Variants in TMEM266 observed in about 807,000 individuals in gnomAD.
TMEM266 encodes Hv1 related protein 1.
TMEM266 carries 33 observed loss-of-function variants against 50.5 expected under a neutral mutation model. The ratio of observed to expected loss-of-function variants is 0.65; its 90% CI spans 0.50 to 0.87. The LOEUF (loss-of-function observed/expected upper bound fraction) is 0.87, where lower values mean the gene tolerates loss of function less well. Ranked by LOEUF, TMEM266 falls within the 40% of genes least tolerant of loss-of-function variation. The probability of loss-of-function intolerance (pLI) is 0.00; values close to 1 mark genes in which losing one functional copy is unlikely to be tolerated. For missense variants in TMEM266, 655 were observed against 695.1 expected (o/e 0.94, Z 0.65); for synonymous variants, 310 against 292.3 (o/e 1.06, Z -0.62).
At position 76,198,577 on chromosome 15, in the gene TMEM266, C is replaced by T. The variant is rs182413719; in HGVS notation, c.959-3625C>T. ...TGAGTGTGTGGTGACTCCATGGCTC[C>T]CTGGAGTAGGGGTGGAGGCTGGGAA... On this transcript the variant is annotated intron_variant, in intron 9 of 10. Coordinates refer to ENST00000388942, the MANE Select transcript of TMEM266 (RefSeq NM_152335.3). Among the ~76,000 whole-genome samples the T allele has an allele frequency of 4.6e-5, 7 of 152,362 alleles. No individual in the cohort carries two copies. In the East Asian group the frequency reaches 1.3e-3, roughly 29 times the overall value.
At chr15:76,120,425 A>G (rs1020987223) in intron 1 of TMEM266, among the ~76,000 whole-genome samples, 5 of 152,168 alleles carry the variant, frequency 3.3e-5, no homozygotes, top group Non-Finnish European at 7.3e-5. Flanking sequence ...AAAATATATA[A>G]TGAACTATTT....
chr15:76,078,691 C>T (rs1042680917), intron 1 of TMEM266, among the ~76,000 whole-genome samples: 5 of 152,072 alleles, frequency 3.3e-5, no homozygotes, highest in African/African-American at 7.2e-5. Context: ...GAGGGTGAAC[C>T]GAGGAACTGC....
In TMEM266 at chr15:76,160,675, G is replaced by T. The variant is rs930241418; in HGVS notation, c.456+507G>T. ...GTGGACCTGACCTGGTCCTGCAGGG[G>T]CCCTGGGTCTGACAGGGCCGAAAGA... On this transcript the variant is annotated intron_variant, in intron 5 of 10. Transcript: ENST00000388942. This position sits in a 1 kb window ranked among gnomAD's most constrained non-coding sequence, Gnocchi z 5.7. Among the ~76,000 whole-genome samples the T allele has an allele frequency of 6.6e-6, 1 of 152,202 alleles. No individual in the cohort carries two copies. Among genetic ancestry groups the T allele is most frequent in the Non-Finnish European group, 1.5e-5 (1 of 68,044 alleles).
At chr15:76,154,104 C>T (rs530668699) in intron 3 of TMEM266, among the ~76,000 whole-genome samples, 13 of 152,306 alleles carry the variant, frequency 8.5e-5, no homozygotes, top group East Asian at 3.9e-4. Context: ...AGGCCCTCTC[C>T]GGACCCCTTG....
At position 76,111,269 on chromosome 15, in the gene TMEM266, C is replaced by T. The variant is rs139992064; in HGVS notation, c.-96-22899C>T. Among the ~76,000 whole-genome samples the T allele has an allele frequency of 2.1e-3, 317 of 150,530 alleles. 3 individuals are homozygous for T. Among genetic ancestry groups the T allele is most frequent in the African/African-American group, 7.5e-3 (306 of 40,878 alleles). On this transcript the variant is annotated intron_variant, in intron 1 of 10. Coordinates refer to ENST00000388942, the MANE Select transcript of TMEM266 (RefSeq NM_152335.3). ...CTAATTTTTGTATTTTTAGCAGAGA[C>T]AGGATTTCACCATGTTGGTCAGGCT...
At chr15:76,088,905 C>T (rs2036810497) in intron 1 of TMEM266, among the ~76,000 whole-genome samples, 1 of 151,464 alleles carries the variant, frequency 6.6e-6, no homozygotes, top group South Asian at 2.1e-4. Context: ...AGCAGCCTGG[C>T]CAACATGGTG....
At chr15:76,108,640 C>T (rs921702796) in intron 1 of TMEM266, among the ~76,000 whole-genome samples, 9 of 152,132 alleles carry the variant, frequency 5.9e-5, no homozygotes, top group African/African-American at 2.2e-4. Flanking sequence ...GAGCCTGGTC[C>T]ATTGAACTGG....
At chr15:76,118,301 C>T (rs2037282008) in intron 1 of TMEM266, among the ~76,000 whole-genome samples, 2 of 152,242 alleles carry the variant, frequency 1.3e-5, no homozygotes, top group Non-Finnish European at 2.9e-5. Flanking sequence ...GTGGCTCATG[C>T]CTGGAATCCC....
chr15:76,146,364 A>G (rs1422484727), intron 3 of TMEM266, among the ~76,000 whole-genome samples: 1 of 152,172 alleles, frequency 6.6e-6, no homozygotes, highest in Non-Finnish European at 1.5e-5. Context: ...TAAGAAATGA[A>G]AGATATTCAG....
intron 2 of TMEM266, among the ~76,000 whole-genome samples, chr15:76,137,127 G>A (rs2037602227): frequency 6.6e-6 from 1 of 152,122 alleles, no homozygotes; most frequent in South Asian, 2.1e-4. Context: ...CAAATAGGAA[G>A]GGAGTGGCTA....
chr15:76,126,920 G>T (rs1407240681), intron 1 of TMEM266, among the ~76,000 whole-genome samples: 1 of 152,132 alleles, frequency 6.6e-6, no homozygotes, highest in Non-Finnish European at 1.5e-5. Context: ...GGGGCAGGTG[G>T]TGAGGGAGAA....
intron 4 of TMEM266, among the ~76,000 whole-genome samples, chr15:76,157,938 T>C (rs771470345): frequency 1.1e-4 from 16 of 152,104 alleles, no homozygotes; most frequent in Non-Finnish European, 1.5e-4. Context: ...CAGTGAGCCG[T>C]GATCACGCCA....
chr15:76,169,932 T>G, intron 6 of TMEM266, 60 bp downstream of exon 6: 9 of 1,547,034 alleles, frequency 5.8e-6, no homozygotes, highest in Non-Finnish European at 8.0e-6. Context: ...CTGGAAAACG[T>G]CATGTCCCAT....
At chr15:76,100,153 G>A (rs762555568) in intron 1 of TMEM266, among the ~76,000 whole-genome samples, 2 of 152,102 alleles carry the variant, frequency 1.3e-5, no homozygotes, top group African/African-American at 2.4e-5. Flanking sequence ...TAGAGGGCAG[G>A]AGATACTCAC....
intron 9 of TMEM266, among the ~76,000 whole-genome samples, chr15:76,198,952 A>C (rs2038698638): frequency 1.1e-5 from 1 of 87,112 alleles, no homozygotes; most frequent in Non-Finnish European, 2.7e-5. Flanking sequence ...AGGGAGAGCA[A>C]GTGCAGACTG....
At chr15:76,186,297 G>C (rs55831300) in intron 8 of TMEM266, among the ~76,000 whole-genome samples, 10,586 of 152,218 alleles carry the variant, frequency 0.07, 436 homozygotes, top group Middle Eastern at 0.12. Flanking sequence ...TAGGGCCCCT[G>C]GGAAACACTG....
At chr15:76,061,119 A>G (rs530721437) in intron 1 of TMEM266, among the ~76,000 whole-genome samples, 1 of 152,182 alleles carries the variant, frequency 6.6e-6, no homozygotes, top group Admixed American at 6.5e-5. Flanking sequence ...AAATACCTCC[A>G]CCCTAAAATA....
intron 1 of TMEM266, among the ~76,000 whole-genome samples, chr15:76,083,953 T>C (rs2036733425): frequency 6.6e-6 from 1 of 152,178 alleles, no homozygotes; most frequent in Non-Finnish European, 1.5e-5. Flanking sequence ...CTGTATGTTA[T>C]TGGAGCACAC....
In TMEM266 at chr15:76,192,023, C is replaced by G; in HGVS notation, c.824C>G (p.Ala275Gly). The part of the protein sequence containing the change: ...LAAEREAALQ[A>G]PHVLSQPRSR... ...GCGCAGCAGGACCTGGACCTGGCTG[C>G]CGAGCGCGAAGCGGCGCTCCAGGCC... Residue 275 changes from alanine (A) to glycine (G), a missense_variant, in exon 9 of 11, where the codon GCC becomes GGC. Around this residue, in one of 3 missense-constraint regions of TMEM266, gnomAD observed 455 missense variants for 401.8 expected, o/e 1.13. Coordinates refer to ENST00000388942, the MANE Select transcript of TMEM266 (RefSeq NM_152335.3). 6.4e-7 allele frequency: 1 copy of G among 1,573,230 alleles called. No individual in the cohort carries two copies. Among genetic ancestry groups the G allele is most frequent in the East Asian group, 2.5e-5 (1 of 40,464 alleles).
Sources: allele counts gnomAD v4.1 joint callset (sites outside exome capture counted in the v4.1 genomes callset), GRCh38; gene constraint gnomAD v4.1.1; regional missense constraint gnomAD v4.1.1; non-coding constraint Gnocchi (gnomAD v3.1); transcripts MANE v1.5; gene names NCBI Gene and HGNC (gene_info 2026-07-23, HGNC 2026-07-21).